PIAS1: variants seen among roughly 807,000 people sequenced by gnomAD.
PIAS1 encodes the protein protein inhibitor of activated STAT 1.
Under a neutral mutation model 71.3 loss-of-function variants are expected in PIAS1, and 6 were observed. That is an observed-to-expected ratio of 0.08 (90% CI 0.05 to 0.17). PIAS1 has a LOEUF of 0.17. Among genes scored for constraint, PIAS1 ranks in the 10% least tolerant of loss-of-function variants. The pLI is 1.00. For missense variants in PIAS1, 555 were observed against 793.6 expected, an observed-to-expected ratio of 0.70 and a Z score of 3.61; for synonymous variants, 303 against 292.9, an observed-to-expected ratio of 1.03 and a Z score of -0.35.
intron 1 of PIAS1, chr15:68,055,094 T>G: frequency 2.2e-6 from 1 of 446,678 alleles, no homozygotes; most frequent in Non-Finnish European, 3.0e-6. Context: ...CCTCGAAGAG[T>G]GTGTCTTTGG....
chr15:68,139,527 A>G (rs770382243), intron 2 of PIAS1, among the ~76,000 whole-genome samples: 2 of 152,214 alleles, frequency 1.3e-5, no homozygotes, highest in Non-Finnish European at 2.9e-5. Context: ...GTACAAAGAA[A>G]TGGTAAACAT....
rs1398718920 is a variant in PIAS1, at chr15:68,075,087, T to C, written c.25-11219T>C. ...TTTTCTTTCTTTCTTTCTTTTTTTT[T>C]TTTTTTTTTTTTTTTTTGAGGCGGA... is the stretch of plus-strand genomic sequence containing the variant. On this transcript the variant is annotated intron_variant, in intron 1 of 13. Coordinates refer to ENST00000249636, the MANE Select transcript of PIAS1 (RefSeq NM_016166.3). 7.5e-3 allele frequency among the ~76,000 whole-genome samples: 1,019 copies of C among 136,550 alleles called. 4 individuals carry two copies. Among genetic ancestry groups the C allele is most frequent in the East Asian group, 0.026 (128 of 4,904 alleles). The allele number at this position is 136,550 out of a possible 152,430, so 89.6% of individuals were successfully genotyped here.
At chr15:68,149,100 T>A (rs987619883) in intron 6 of PIAS1, among the ~76,000 whole-genome samples, 1 of 152,170 alleles carries the variant, frequency 6.6e-6, no homozygotes, top group Middle Eastern at 3.2e-3. Flanking sequence ...TTGTTTTGTT[T>A]TGTTTTACTT....
chr15:68,182,516 T>TGTGTGTGTG (rs10527857), intron 12 of PIAS1, among the ~76,000 whole-genome samples: 2 of 150,136 alleles, frequency 1.3e-5, no homozygotes, highest in Non-Finnish European at 3.0e-5. Flanking sequence ...TGTGTGTGTG[T>TGTGTGTGTG]CGGAGTTTTG....
At chr15:68,166,960 G>A (rs1006247473) in intron 8 of PIAS1, among the ~76,000 whole-genome samples, 11 of 152,192 alleles carry the variant, frequency 7.2e-5, no homozygotes, top group African/African-American at 2.6e-4. Flanking sequence ...CAAGTAGCTG[G>A]GACTACCGGC....
rs925755392 is a variant in PIAS1 at position 68,188,791 on chromosome 15, A to G, written c.*956A>G. The G allele has an allele frequency of 1.3e-5, 2 of 152,228 alleles. No individual in the cohort carries two copies. The highest frequency in any genetic ancestry group is 2.9e-5 in the Non-Finnish European group (2 of 68,042). The allele number at this position is 152,228 out of a possible 1,614,324, so 9.4% of individuals were successfully genotyped here. On this transcript the variant is annotated 3_prime_UTR_variant, in exon 14 of 14. Coordinates refer to ENST00000249636, the MANE Select transcript of PIAS1 (RefSeq NM_016166.3). Reference sequence around the variant, plus strand: ...ACCTGCTTTTTTTGGCCACAGAGTAACAAGTTTTCATGTAAGATCTTCATA... The same window carrying G: ...ACCTGCTTTTTTTGGCCACAGAGTAGCAAGTTTTCATGTAAGATCTTCATA...
At position 68,156,443 on chromosome 15, in the gene PIAS1, C is replaced by G. The variant is rs113960287; in HGVS notation, c.934+2748C>G. On this transcript the variant is annotated intron_variant, in intron 7 of 13. Transcript: ENST00000249636. Reference sequence around the variant, plus strand: ...GAAGGGCTGGGTGCAGTGGCTCACCCTTGTAATCCCAGCACATTGGAAGGC... The same window carrying G: ...GAAGGGCTGGGTGCAGTGGCTCACCGTTGTAATCCCAGCACATTGGAAGGC... Among the ~76,000 whole-genome samples, 386 of 152,260 alleles carry G rather than the reference C, an allele frequency of 2.5e-3. 2 individuals are homozygous for G. The highest frequency in any genetic ancestry group is 7.6e-3 in the African/African-American group (315 of 41,554).
chr15:68,177,771 T>C (rs931495654), intron 11 of PIAS1, among the ~76,000 whole-genome samples: 2 of 152,216 alleles, frequency 1.3e-5, no homozygotes, highest in African/African-American at 4.8e-5. Flanking sequence ...CATCAGGGAT[T>C]CTGAGCAAGA....
At chr15:68,164,919 T>A in intron 8 of PIAS1, 115 bp downstream of exon 8, 1 of 602,660 alleles carries the variant, frequency 1.7e-6, no homozygotes. Flanking sequence ...TCCACCATTG[T>A]TACAGTTTAT....
chr15:68,158,366 A>T (rs2141069789), intron 7 of PIAS1, among the ~76,000 whole-genome samples: 1 of 151,978 alleles, frequency 6.6e-6, no homozygotes. Context: ...TATGCCTCAA[A>T]ACTCCCCTGC....
chr15:68,121,039 C>T (rs576852447), intron 2 of PIAS1, among the ~76,000 whole-genome samples: 1 of 152,206 alleles, frequency 6.6e-6, no homozygotes, highest in South Asian at 2.1e-4. Context: ...TTATATTTAT[C>T]GATGTTGTTT....
At chr15:68,120,074 G>A (rs1298660632) in intron 2 of PIAS1, among the ~76,000 whole-genome samples, 22 of 152,168 alleles carry the variant, frequency 1.4e-4, no homozygotes, top group Admixed American at 1.4e-3. Flanking sequence ...TCCTGAGTAG[G>A]TGGGACTACA....
chr15:68,113,849 G>C (rs1376964979), intron 2 of PIAS1, among the ~76,000 whole-genome samples: 1 of 152,070 alleles, frequency 6.6e-6, no homozygotes, highest in African/African-American at 2.4e-5. Context: ...ATTGTTTCCT[G>C]TTTCTTAGTA....
chr15:68,183,673 T>A lies in PIAS1; in HGVS notation c.1662+6T>A. Reference sequence around the variant, plus strand: ...TCTTATCAGGAGACAATCAGGTATGTTATGAAAAATTTACTATTATTTTAA... The same window carrying A: ...TCTTATCAGGAGACAATCAGGTATGATATGAAAAATTTACTATTATTTTAA... On this transcript the variant is annotated splice_donor_region_variant and intron_variant, in intron 13 of 13. Transcript: ENST00000249636. The A allele has an allele frequency of 5.8e-6, 6 of 1,026,322 alleles. No individual in the cohort carries two copies. Among genetic ancestry groups the A allele is most frequent in the Non-Finnish European group, 8.8e-6 (6 of 683,742 alleles). 63.6% of individuals were successfully genotyped at this position (1,026,322 alleles called of 1,614,324 possible).
chr15:68,156,624 G>A (rs529477700), intron 7 of PIAS1, among the ~76,000 whole-genome samples: 3 of 151,262 alleles, frequency 2.0e-5, no homozygotes, highest in East Asian at 3.9e-4. Flanking sequence ...CACGAGAATC[G>A]CTTGAACCCG....
chr15:68,087,807 T>G (rs1029969554), intron 2 of PIAS1: 2 of 333,204 alleles, frequency 6.0e-6, no homozygotes, highest in African/African-American at 2.2e-5. Flanking sequence ...ATTCTATCTT[T>G]GAAATATGAA....
chr15:68,087,629 A>G (rs1052398031), intron 2 of PIAS1, among the ~76,000 whole-genome samples: 2 of 152,198 alleles, frequency 1.3e-5, no homozygotes, highest in Non-Finnish European at 2.9e-5. Context: ...AAAACAAAGA[A>G]TGTGTAACGG....
intron 1 of PIAS1, among the ~76,000 whole-genome samples, chr15:68,067,928 A>G (rs2092046945): frequency 6.6e-6 from 1 of 152,220 alleles, no homozygotes; most frequent in South Asian, 2.1e-4. Context: ...GTGAAACAGT[A>G]GTTTTGTATA....
intron 6 of PIAS1, among the ~76,000 whole-genome samples, chr15:68,148,594 A>G (rs149357094): frequency 0.022 from 3,319 of 151,726 alleles, 124 homozygotes; most frequent in African/African-American, 0.076. Context: ...GCACCTGGCT[A>G]ATTTTTGTAT....
Sources: gnomAD v4.1 joint callset for allele counts (sites outside exome capture counted in the v4.1 genomes callset) on GRCh38, gnomAD v4.1.1 for gene constraint, MANE v1.5 for transcripts, NCBI Gene and HGNC (gene_info 2026-07-23, HGNC 2026-07-21) for gene names.